Variants in NECAB2 observed in about 807,000 individuals in gnomAD.
The protein encoded by NECAB2 is N-terminal EF-hand calcium-binding protein 2.
A neutral mutation model predicts 51.9 loss-of-function variants in NECAB2; 68 were observed. That is an observed-to-expected ratio of 1.31 (90% CI 1.08 to 1.60). The LOEUF (loss-of-function observed/expected upper bound fraction) is 1.60, where lower values mean the gene tolerates loss of function less well. NECAB2 is among the 40% of genes most tolerant of loss of function. The pLI is 0.00. For synonymous variants in NECAB2, 329 were observed against 203.5 expected, an observed-to-expected ratio of 1.62 and a Z score of -5.25; for missense variants, 854 against 490.3, an observed-to-expected ratio of 1.74 and a Z score of -7.00.
At chr16:83,977,897 A>G (rs1240373480) in intron 2 of NECAB2, among the ~76,000 whole-genome samples, 2 of 152,214 alleles carry the variant, frequency 1.3e-5, no homozygotes, top group East Asian at 3.9e-4. Context: ...GGGAGCATGC[A>G]GAGACCACTT....
chr16:83,981,281 G>A (rs1458469265), intron 5 of NECAB2, among the ~76,000 whole-genome samples, 154 bp downstream of exon 5: 1 of 152,146 alleles, frequency 6.6e-6, no homozygotes, highest in African/African-American at 2.4e-5. Flanking sequence ...CAGCTGAGAT[G>A]AACTGGGAAG....
intron 10 of NECAB2, among the ~76,000 whole-genome samples, chr16:83,998,925 G>C (rs1191091273): frequency 6.6e-6 from 1 of 152,196 alleles, no homozygotes; most frequent in Non-Finnish European, 1.5e-5. Flanking sequence ...GGCCAGAGTG[G>C]AGGGGGTTGC....
At chr16:83,998,164 C>T (rs1051840737) in intron 9 of NECAB2, 41 bp from the exon 10 acceptor site, 1 of 1,584,480 alleles carries the variant, frequency 6.3e-7, no homozygotes, top group Non-Finnish European at 8.6e-7. Context: ...GGGAGAAGGC[C>T]TGACGTGGAG....
chr16:83,999,269 G>T (rs112081162), intron 10 of NECAB2, among the ~76,000 whole-genome samples: 6 of 119,702 alleles, frequency 5.0e-5, no homozygotes, highest in South Asian at 2.3e-4. Flanking sequence ...TAGCCAGGAT[G>T]GGGGGGCAGG....
chr16:83,997,043 C>T (rs1014080990), intron 8 of NECAB2, among the ~76,000 whole-genome samples, 173 bp from the exon 9 acceptor site: 6 of 150,368 alleles, frequency 4.0e-5, no homozygotes, highest in Admixed American at 1.3e-4. Context: ...TGTTCTAGGC[C>T]CCCTGTAGGC....
chr16:83,975,739 C>T lies in NECAB2; in HGVS notation c.227-2705C>T, dbSNP rs545371037. On this transcript the variant is annotated intron_variant, in intron 2 of 12. Coordinates refer to ENST00000305202, the MANE Select transcript of NECAB2 (RefSeq NM_019065.3). ...CAGCATTTCCCTTCAGGGACATGGA[C>T]GCTGACAGGCTGACAGGCTCTTGGC... is the stretch of plus-strand genomic sequence containing the variant. 1.9e-4 allele frequency among the ~76,000 whole-genome samples: 29 copies of T among 152,202 alleles called. No homozygotes were observed. The South Asian group carries it at 2.7e-3, about 14-fold the overall frequency.
intron 5 of NECAB2, 74 bp downstream of exon 5, chr16:83,981,201 C>T (rs1045165323): frequency 4.2e-6 from 6 of 1,412,218 alleles, no homozygotes; most frequent in Non-Finnish European, 6.0e-6. Context: ...CTAAGGATGC[C>T]TGGATTTTTG....
In NECAB2 at chr16:83,990,577, G is replaced by A. The variant is rs774062979; in HGVS notation, c.543G>A (p.Leu181=). The A allele has an allele frequency of 3.7e-6, 6 of 1,614,164 alleles. No homozygotes were observed. ...CGGCCAATCAGATCCAGTCGCTGCTGAGCTCAGTGGAGAGTGCGGTGGAGG... is the reference window on the plus strand; with the variant it reads ...CGGCCAATCAGATCCAGTCGCTGCTAAGCTCAGTGGAGAGTGCGGTGGAGG... ...KETANQIQSL[L]SSVESAVEAI... The change falls in exon 6 of 13, where the codon CTG becomes CTA. Residue 181 remains leucine, a synonymous_variant. Coordinates refer to ENST00000305202, the MANE Select transcript of NECAB2 (RefSeq NM_019065.3).
chr16:83,991,568 T>C (rs1450629066), intron 6 of NECAB2, among the ~76,000 whole-genome samples: 1 of 151,856 alleles, frequency 6.6e-6, no homozygotes, highest in Non-Finnish European at 1.5e-5. Flanking sequence ...GGTTTCACCA[T>C]GTTGGCCAGG....
At chr16:83,983,836 A>G (rs1412409067) in intron 5 of NECAB2, among the ~76,000 whole-genome samples, 1 of 152,312 alleles carries the variant, frequency 6.6e-6, no homozygotes, top group East Asian at 1.9e-4. Context: ...CTTCTCTAAC[A>G]TAGCATCATT....
rs1224160119 is a variant in NECAB2 at position 83,990,612 on chromosome 16, A to T, written c.578A>T (p.Glu193Val). 1 of 1,613,990 alleles carries T rather than the reference A, an allele frequency of 6.2e-7. No individual in the cohort carries two copies. The highest frequency in any genetic ancestry group is 1.3e-5 in the African/African-American group (1 of 74,982). ...SVESAVEAIE[E>V]QTSQLRQNHI... ...GAGAGTGCGGTGGAGGCCATCGAGGAACAGACCAGCCAGCTCCGGTGAGTC... is the reference window on the plus strand; with the variant it reads ...GAGAGTGCGGTGGAGGCCATCGAGGTACAGACCAGCCAGCTCCGGTGAGTC... Residue 193 changes from glutamate (E) to valine (V), a missense_variant, in exon 6 of 13, where the codon GAA becomes GTA. Transcript: ENST00000305202.
At chr16:84,001,981 G>A (rs550404112) in intron 12 of NECAB2, 65 bp downstream of exon 12, 1 of 1,538,838 alleles carries the variant, frequency 6.5e-7, no homozygotes, top group South Asian at 1.1e-5. Flanking sequence ...GAGCCTAGAG[G>A]CTGCCCCATA....
At chr16:83,996,032 C>A (rs2084693490) in intron 8 of NECAB2, among the ~76,000 whole-genome samples, 1 of 152,234 alleles carries the variant, frequency 6.6e-6, no homozygotes, top group African/African-American at 2.4e-5. Context: ...CCTCCCCAGC[C>A]TCTAACTGGC....
chr16:83,972,568 G>A (rs1002379932), intron 2 of NECAB2, among the ~76,000 whole-genome samples: 3 of 152,214 alleles, frequency 2.0e-5, no homozygotes, highest in African/African-American at 7.2e-5. Flanking sequence ...CCCTTCACAA[G>A]CCTTGGTGCA....
Position 83,994,340 on chromosome 16 carries a change from C to G in NECAB2, c.635C>G (p.Thr212Ser), listed in dbSNP as rs1386874834. The G allele has an allele frequency of 1.2e-6, 2 of 1,614,082 alleles. No individual in the cohort carries two copies. The highest frequency in any genetic ancestry group is 2.2e-5 in the East Asian group (1 of 44,896). Residue 212 changes from threonine to serine, a missense_variant, in exon 7 of 13, where the codon ACC (threonine) becomes AGC (serine). Transcript: ENST00000305202. Reference sequence around the variant, plus strand: ...AAACCCAGCCACAGCGCGGCACAGACCTGGTGTGGAAGCCCCACTCCCGCC... The same window carrying G: ...AAACCCAGCCACAGCGCGGCACAGAGCTGGTGTGGAAGCCCCACTCCCGCC... Reference protein sequence around the residue: ...HIKPSHSAAQTWCGSPTPASA... With the variant: ...HIKPSHSAAQSWCGSPTPASA...
chr16:83,982,476 G>A (rs978268099), intron 5 of NECAB2, among the ~76,000 whole-genome samples: 8 of 152,152 alleles, frequency 5.3e-5, no homozygotes, highest in Admixed American at 2.0e-4. Context: ...CCAGGCTTCC[G>A]AGTCACCCAG....
At chr16:83,988,959 G>T (rs1347485653) in intron 5 of NECAB2, among the ~76,000 whole-genome samples, 1 of 152,150 alleles carries the variant, frequency 6.6e-6, no homozygotes, top group African/African-American at 2.4e-5. Context: ...ATCAGGAAAA[G>T]CTTCATTTTT....
intron 10 of NECAB2, among the ~76,000 whole-genome samples, chr16:83,998,882 T>A (rs1342982065): frequency 6.6e-6 from 1 of 152,196 alleles, no homozygotes; most frequent in Non-Finnish European, 1.5e-5. Context: ...CAGGCTGATG[T>A]AGCTCCTTGG....
chr16:83,972,588 C>T (rs1194675301), intron 2 of NECAB2, among the ~76,000 whole-genome samples: 2 of 152,244 alleles, frequency 1.3e-5, no homozygotes, highest in African/African-American at 2.4e-5. Flanking sequence ...AGTTCTTCAT[C>T]GTAGCAACCT....
Sources: gnomAD v4.1 joint callset for allele counts (sites outside exome capture counted in the v4.1 genomes callset) on GRCh38, gnomAD v4.1.1 for gene constraint, MANE v1.5 for transcripts, NCBI Gene and HGNC (gene_info 2026-07-23, HGNC 2026-07-21) for gene names.